PLEKHM3: variants seen among roughly 807,000 people sequenced by gnomAD.
PLEKHM3 encodes the protein pleckstrin homology domain containing M3.
PLEKHM3 carries 45 observed loss-of-function variants against 81.8 expected under a neutral mutation model. The ratio of observed to expected loss-of-function variants is 0.55; its 90% CI spans 0.43 to 0.71. PLEKHM3 has a LOEUF of 0.71. Ranked by LOEUF, PLEKHM3 falls within the 30% of genes least tolerant of loss-of-function variation. PLEKHM3 has a pLI of 0.00. For synonymous variants in PLEKHM3, 352 were observed against 356.4 expected, an observed-to-expected ratio of 0.99 and a Z score of 0.14; for missense variants, 788 against 924.3, an observed-to-expected ratio of 0.85 and a Z score of 1.91.
chr2:207,879,400 A>C (rs1294318233), intron 6 of PLEKHM3, among the ~76,000 whole-genome samples: 2 of 152,244 alleles, frequency 1.3e-5, no homozygotes, highest in Non-Finnish European at 2.9e-5. Flanking sequence ...AGTTATGAAC[A>C]GATCACTTGT....
At chr2:207,913,784 G>A (rs1688889549) in intron 5 of PLEKHM3, among the ~76,000 whole-genome samples, 1 of 151,930 alleles carries the variant, frequency 6.6e-6, no homozygotes, top group Non-Finnish European at 1.5e-5. Flanking sequence ...ACATTAAGAA[G>A]CTACTATAGA....
At chr2:207,925,687 G>A (rs547547016) in intron 5 of PLEKHM3, among the ~76,000 whole-genome samples, 1 of 152,202 alleles carries the variant, frequency 6.6e-6, no homozygotes, top group African/African-American at 2.4e-5. Context: ...ACCTGGGCTT[G>A]GTAACCCAGC....
Position 207,930,935 on chromosome 2 carries a change from A to AGATCCTCTG in PLEKHM3, c.1868_1876dup (p.Asp625_Leu626insProGluAsp), listed in dbSNP as rs1429245676. Reference sequence around the variant, plus strand: ...GATTTATGACTCTTACCTGCGGCGGAGATCCTCTGCCACCGCTGCCCGGCA... The same window carrying AGATCCTCTG: ...GATTTATGACTCTTACCTGCGGCGGAGATCCTCTGGATCCTCTGCCACCGCTGCCCGGCA... On this transcript the variant is annotated inframe_insertion, in exon 5 of 8. Transcript: ENST00000427836. 6.2e-7 allele frequency: 1 copy of AGATCCTCTG among 1,612,718 alleles called. No individual in the cohort carries two copies. The highest frequency in any genetic ancestry group is 1.7e-5 in the Admixed American group (1 of 59,958).
At chr2:207,923,903 ATATTTTTTT>A (rs1172709709) in intron 5 of PLEKHM3, among the ~76,000 whole-genome samples, 1 of 59,828 alleles carries the variant, frequency 1.7e-5, no homozygotes, top group African/African-American at 6.6e-5. Flanking sequence ...ATATATATAT[ATATTTTTTT>A]TTTTTTTTTT....
At chr2:207,885,355 TG>T (rs1424035938) in intron 6 of PLEKHM3, among the ~76,000 whole-genome samples, 2 of 152,248 alleles carry the variant, frequency 1.3e-5, no homozygotes, top group South Asian at 2.1e-4. Context: ...TTCTTGTTTG[TG>T]CTTCAGCCCT....
chr2:207,896,781 G>T (rs1164498693), intron 6 of PLEKHM3, among the ~76,000 whole-genome samples: 1 of 152,194 alleles, frequency 6.6e-6, no homozygotes, highest in Non-Finnish European at 1.5e-5. Context: ...AAGGAACATG[G>T]CGTCTCTTTG....
chr2:208,013,371 C>T (rs888499620), intron 1 of PLEKHM3, among the ~76,000 whole-genome samples: 1 of 152,016 alleles, frequency 6.6e-6, no homozygotes, highest in African/African-American at 2.4e-5. Flanking sequence ...TAAAAATTAG[C>T]CAGGCATGGT....
chr2:207,855,160 T>C (rs1215295330), intron 7 of PLEKHM3, among the ~76,000 whole-genome samples: 1 of 152,090 alleles, frequency 6.6e-6, no homozygotes, highest in South Asian at 2.1e-4. Context: ...AGGAAATAAG[T>C]AAGACGATCC....
chr2:207,978,426 G>A (rs142969618), intron 2 of PLEKHM3, among the ~76,000 whole-genome samples: 138 of 151,974 alleles, frequency 9.1e-4, no homozygotes, highest in Middle Eastern at 3.4e-3. Context: ...CGTGCCTTCC[G>A]CCACTGGACC....
chr2:207,926,566 C>T (rs1466495439), intron 5 of PLEKHM3, among the ~76,000 whole-genome samples: 1 of 152,182 alleles, frequency 6.6e-6, no homozygotes, highest in African/African-American at 2.4e-5. Flanking sequence ...TCTTCATGCA[C>T]CTTCATGTGT....
chr2:207,985,987 C>CA (rs35964669), intron 2 of PLEKHM3, among the ~76,000 whole-genome samples: 1,301 of 120,802 alleles, frequency 0.011, 19 homozygotes, highest in African/African-American at 0.037. Context: ...GACTCCGTCT[C>CA]AAAAAAAAAA....
At chr2:207,833,441 G>A (rs1473503112) in intron 7 of PLEKHM3, among the ~76,000 whole-genome samples, 2 of 151,406 alleles carry the variant, frequency 1.3e-5, no homozygotes, top group African/African-American at 4.8e-5. Context: ...TGCAGTGTCT[G>A]CAACTGCAGG....
At position 207,930,995 on chromosome 2, in the gene PLEKHM3, T is replaced by C. The variant is rs1233026535; in HGVS notation, c.1817A>G (p.Gln606Arg). ...EPLAAVLRLR[Q>R]RLKSLRAYLF... Reference sequence around the variant, plus strand: ...ATAGGCTCGGAGCGACTTCAGCCGCTGCCGCAGCCGCAGCACGGCGGCCAG... The same window carrying C: ...ATAGGCTCGGAGCGACTTCAGCCGCCGCCGCAGCCGCAGCACGGCGGCCAG... Residue 606 changes from glutamine to arginine, a missense_variant, in exon 5 of 8, where the codon CAG becomes CGG. Gln to Arg is a conservative substitution (Grantham distance 43). Coordinates refer to ENST00000427836, the MANE Select transcript of PLEKHM3 (RefSeq NM_001080475.3). The C allele has an allele frequency of 6.2e-7, 1 of 1,613,768 alleles. No individual in the cohort carries two copies. Among genetic ancestry groups the C allele is most frequent in the Non-Finnish European group, 8.5e-7 (1 of 1,179,750 alleles).
chr2:207,905,280 A>G (rs1688565418), intron 6 of PLEKHM3, among the ~76,000 whole-genome samples: 1 of 152,180 alleles, frequency 6.6e-6, no homozygotes, highest in Non-Finnish European at 1.5e-5. Flanking sequence ...AGAAACCTTT[A>G]GCAGTGAGGA....
chr2:207,829,028 T>C (rs545853818), intron 7 of PLEKHM3, among the ~76,000 whole-genome samples: 2 of 152,342 alleles, frequency 1.3e-5, no homozygotes, highest in Admixed American at 6.5e-5. Context: ...TGACATCCTG[T>C]GGTCTATGAA....
chr2:207,965,679 A>T (rs1690886521), intron 3 of PLEKHM3, among the ~76,000 whole-genome samples: 1 of 152,214 alleles, frequency 6.6e-6, no homozygotes, highest in Admixed American at 6.5e-5. Context: ...GACTCGCATT[A>T]CTGCTTTAGT....
intron 5 of PLEKHM3, among the ~76,000 whole-genome samples, chr2:207,927,807 G>A (rs1175741063): frequency 6.6e-6 from 1 of 152,186 alleles, no homozygotes; most frequent in Non-Finnish European, 1.5e-5. Flanking sequence ...TCCAGCCTGG[G>A]TGACAGAGCA....
chr2:207,923,876 CACACATAT>C (rs1379504284), intron 5 of PLEKHM3, among the ~76,000 whole-genome samples: 82 of 41,734 alleles, frequency 2.0e-3, no homozygotes, highest in Non-Finnish European at 3.1e-3. Flanking sequence ...CACACACACA[CACACATAT>C]ATATATATAT....
intron 7 of PLEKHM3, among the ~76,000 whole-genome samples, chr2:207,855,363 A>G (rs1175539624): frequency 2.0e-5 from 3 of 152,242 alleles, no homozygotes; most frequent in Non-Finnish European, 2.9e-5. Context: ...CTGTAACCCA[A>G]AGTACAAATG....
Sources: gnomAD v4.1 joint callset for allele counts (sites outside exome capture counted in the v4.1 genomes callset) on GRCh38, gnomAD v4.1.1 for gene constraint, MANE v1.5 for transcripts, NCBI Gene and HGNC (gene_info 2026-07-23, HGNC 2026-07-21) for gene names.